Variants in NR2C2 observed in about 807,000 individuals in gnomAD.
NR2C2 encodes the protein Nuclear hormone receptor TR4.
In NR2C2, 6 loss-of-function variants were observed where a neutral mutation model predicts 62.9. The observed-to-expected ratio is 0.10, with a 90% CI of 0.05 to 0.19. The LOEUF (loss-of-function observed/expected upper bound fraction) is 0.19, where lower values mean the gene tolerates loss of function less well. Among genes scored for constraint, NR2C2 ranks in the 10% least tolerant of loss-of-function variants. The pLI is 1.00. For missense variants in NR2C2, 479 were observed against 762.7 expected (o/e 0.63, Z 4.38); for synonymous variants, 272 against 273.8 (o/e 0.99, Z 0.07).
At chr3:15,032,298 A>C in intron 9 of NR2C2, 81 bp from the exon 10 acceptor site, 1 of 1,589,996 alleles carries the variant, frequency 6.3e-7, no homozygotes, top group Middle Eastern at 1.7e-4. Context: ...CTATTGAAGC[A>C]TGACAGGGAT....
At chr3:15,028,553 T>A (rs755799450) in intron 7 of NR2C2, 33 bp from the exon 8 acceptor site, 2 of 1,598,952 alleles carry the variant, frequency 1.3e-6, no homozygotes, top group East Asian at 4.5e-5. Context: ...GTATCTGTGT[T>A]CATTTTTAAT....
chr3:14,965,189 C>A (rs765861258), intron 1 of NR2C2, among the ~76,000 whole-genome samples: 1 of 152,096 alleles, frequency 6.6e-6, no homozygotes, highest in Non-Finnish European at 1.5e-5. Flanking sequence ...TTGAGGACTC[C>A]CATATTTATT....
intron 5 of NR2C2, 83 bp from the exon 6 acceptor site, chr3:15,023,117 G>C: frequency 6.8e-7 from 1 of 1,477,144 alleles, no homozygotes; most frequent in South Asian, 1.2e-5. Flanking sequence ...CCTCCCTGCA[G>C]TAATGGATTT....
At chr3:14,988,961 C>T (rs1451816329) in intron 1 of NR2C2, among the ~76,000 whole-genome samples, 2 of 152,172 alleles carry the variant, frequency 1.3e-5, no homozygotes, top group Non-Finnish European at 2.9e-5. Flanking sequence ...TCCTTCTCCA[C>T]CCTATGTAAA....
intron 2 of NR2C2, among the ~76,000 whole-genome samples, chr3:15,007,367 T>A (rs1035424386): frequency 2.0e-5 from 3 of 151,946 alleles, no homozygotes; most frequent in Non-Finnish European, 4.4e-5. Flanking sequence ...GACCTTATGA[T>A]CCGCCTGCCT....
chr3:14,963,525 G>A (rs1391403776), intron 1 of NR2C2, among the ~76,000 whole-genome samples: 5 of 152,048 alleles, frequency 3.3e-5, no homozygotes, highest in Admixed American at 2.6e-4. Flanking sequence ...CTGAAGTGCA[G>A]TGGCGCGATC....
intron 8 of NR2C2, among the ~76,000 whole-genome samples, chr3:15,029,788 AAATAATAG>A (rs1330427272): frequency 1.5e-5 from 2 of 133,542 alleles, no homozygotes; most frequent in Admixed American, 8.1e-5. Flanking sequence ...AAAAGTAAAT[AAATAATAG>A]ATAGATAGAT....
At position 15,030,402 on chromosome 3, in the gene NR2C2, A is replaced by G. The variant is rs778062884; in HGVS notation, c.1060A>G (p.Ile354Val). ...HVISRDQSTP[I>V]IEVEGPLLSD... ...CATCAGCAGAGACCAGTCGACACCC[A>G]TCATTGAGGTTGAAGGCCCCCTCCT... The change falls in exon 9 of 14, where the codon ATC (isoleucine) becomes GTC (valine). Residue 354 changes from isoleucine to valine, a missense_variant. Ile to Val is a conservative substitution (Grantham distance 29). Transcript: ENST00000425241. 3.1e-6 allele frequency: 5 copies of G among 1,609,254 alleles called. No homozygotes were observed. In the South Asian group the frequency reaches 3.3e-5, roughly 11 times the overall value.
intron 10 of NR2C2, among the ~76,000 whole-genome samples, chr3:15,033,367 C>G (rs539344443): frequency 5.9e-5 from 9 of 152,274 alleles, no homozygotes; most frequent in South Asian, 4.2e-4. Flanking sequence ...GGTTTCAGAT[C>G]TATAAAGCTC....
At chr3:14,993,590 A>G (rs1478820621) in intron 1 of NR2C2, among the ~76,000 whole-genome samples, 1 of 152,174 alleles carries the variant, frequency 6.6e-6, no homozygotes, top group Non-Finnish European at 1.5e-5. Flanking sequence ...CTTTGCCTTC[A>G]TGCAAGACCA....
chr3:14,979,968 C>T (rs1164333454), intron 1 of NR2C2, among the ~76,000 whole-genome samples: 1 of 152,212 alleles, frequency 6.6e-6, no homozygotes, highest in South Asian at 2.1e-4. Context: ...CCCTGACAGA[C>T]CAAGCTCTCT....
chr3:14,966,628 T>C (rs190875497), intron 1 of NR2C2, among the ~76,000 whole-genome samples: 39 of 152,326 alleles, frequency 2.6e-4, no homozygotes, highest in Admixed American at 2.2e-3. Flanking sequence ...GTAAGTGCCA[T>C]GCATTTTTGC....
chr3:15,033,157 T>C (rs564741136), intron 10 of NR2C2, among the ~76,000 whole-genome samples: 1 of 152,322 alleles, frequency 6.6e-6, no homozygotes, highest in Non-Finnish European at 1.5e-5. Flanking sequence ...TCATTGCATA[T>C]TGCAGAGTAA....
At chr3:15,018,302 C>T (rs962822936) in intron 4 of NR2C2, among the ~76,000 whole-genome samples, 1 of 152,026 alleles carries the variant, frequency 6.6e-6, no homozygotes. Context: ...CAGCCAGGGG[C>T]ACTTTTTAAT....
chr3:14,975,191 T>C (rs2040169799), intron 1 of NR2C2, among the ~76,000 whole-genome samples: 1 of 152,218 alleles, frequency 6.6e-6, no homozygotes, highest in Non-Finnish European at 1.5e-5. Context: ...ATTTTACTTC[T>C]TTCTTTCCTC....
chr3:14,954,853 T>C (rs2039476922), intron 1 of NR2C2, among the ~76,000 whole-genome samples: 1 of 152,200 alleles, frequency 6.6e-6, no homozygotes, highest in Non-Finnish European at 1.5e-5. Flanking sequence ...TTTTTTGAGA[T>C]GGAGTCTCCC....
intron 2 of NR2C2, among the ~76,000 whole-genome samples, chr3:15,009,116 G>A (rs1253703961): frequency 1.3e-5 from 2 of 152,204 alleles, no homozygotes; most frequent in African/African-American, 4.8e-5. Flanking sequence ...CAGCTACTCG[G>A]GAGGCTGAGG....
At chr3:15,041,795 T>C (rs924294721) in intron 13 of NR2C2, among the ~76,000 whole-genome samples, 2 of 152,168 alleles carry the variant, frequency 1.3e-5, no homozygotes, top group Non-Finnish European at 2.9e-5. Context: ...AGGTTGCGGT[T>C]GCAGTGAGCT....
chr3:15,035,424 C>A (rs544188068), intron 11 of NR2C2, among the ~76,000 whole-genome samples: 40 of 152,368 alleles, frequency 2.6e-4, no homozygotes, highest in African/African-American at 9.4e-4. Flanking sequence ...GTGATGTTTT[C>A]AGAATAATCA....
Sources: gnomAD v4.1 joint callset for allele counts (sites outside exome capture counted in the v4.1 genomes callset) on GRCh38, gnomAD v4.1.1 for gene constraint, MANE v1.5 for transcripts, NCBI Gene and HGNC (gene_info 2026-07-23, HGNC 2026-07-21) for gene names.